SYT14: variants seen among roughly 807,000 people sequenced by gnomAD.
The protein encoded by SYT14 is synaptotagmin-14.
A neutral mutation model predicts 74.2 loss-of-function variants in SYT14; 32 were observed. The ratio of observed to expected loss-of-function variants is 0.43; its 90% CI spans 0.33 to 0.58. The LOEUF is 0.58. Among genes scored for constraint, SYT14 ranks in the 20% least tolerant of loss-of-function variants. The pLI, the probability that SYT14 is intolerant of heterozygous loss-of-function variation, is 0.05. For synonymous variants in SYT14, 298 were observed against 337.7 expected (o/e 0.88, Z 1.29); for missense variants, 791 against 981.8 (o/e 0.81, Z 2.60).
At chr1:210,110,290 T>A (rs1039380900) in intron 7 of SYT14, among the ~76,000 whole-genome samples, 3 of 151,970 alleles carry the variant, frequency 2.0e-5, no homozygotes, top group Admixed American at 6.6e-5. Context: ...AAAAGAAGAT[T>A]GAATCAAGGA....
chr1:210,146,459 A>G (rs540341255), intron 7 of SYT14, among the ~76,000 whole-genome samples: 24 of 152,210 alleles, frequency 1.6e-4, no homozygotes, highest in African/African-American at 5.8e-4. Context: ...GTTAAACAAA[A>G]TGTAAACAGT....
exon 10 of SYT14, chr1:210,161,050 A>G: frequency 1.2e-6 from 2 of 1,613,234 alleles, no homozygotes; most frequent in Non-Finnish European, 1.7e-6. Flanking sequence ...TGATGAATAG[A>G]ATAAGCAAGC....
chr1:210,059,641 G>T (rs561911303), intron 5 of SYT14, among the ~76,000 whole-genome samples: 1 of 151,882 alleles, frequency 6.6e-6, no homozygotes. Flanking sequence ...GCCAGAATTG[G>T]CAGGATAAAA....
intron 5 of SYT14, among the ~76,000 whole-genome samples, chr1:210,040,417 A>G (rs933645773): frequency 6.6e-6 from 1 of 152,090 alleles, no homozygotes; most frequent in Non-Finnish European, 1.5e-5. Flanking sequence ...TACCTAATGT[A>G]GAAGACGGGT....
chr1:210,169,507 CTTTAAG>C (rs1558238510), exon 10 of SYT14: 3 of 151,616 alleles, frequency 2.0e-5, no homozygotes, highest in African/African-American at 4.8e-5. Flanking sequence ...ATAAATATTA[CTTTAAG>C]TTTATCAAGA....
At chr1:210,091,515 C>G (rs1392830001) in intron 5 of SYT14, among the ~76,000 whole-genome samples, 1 of 151,936 alleles carries the variant, frequency 6.6e-6, no homozygotes, top group East Asian at 1.9e-4. Flanking sequence ...ATGGCAAGAC[C>G]CTGTCTCTAC....
intron 2 of SYT14, among the ~76,000 whole-genome samples, chr1:209,979,107 C>G (rs12094626): frequency 0.05 from 7,611 of 152,272 alleles, 1,028 homozygotes; most frequent in East Asian, 0.41. Flanking sequence ...GTCTGTCACC[C>G]CTTTCTTTGA....
chr1:210,130,403 A>G (rs2082650337), intron 7 of SYT14, among the ~76,000 whole-genome samples: 1 of 152,228 alleles, frequency 6.6e-6, no homozygotes, highest in African/African-American at 2.4e-5. Context: ...TATGTAACCT[A>G]GAGTATTATA....
chr1:210,169,225 T>TGG (rs1295652514), exon 10 of SYT14: 1 of 103,248 alleles, frequency 9.7e-6, no homozygotes, highest in African/African-American at 5.4e-5. Flanking sequence ...TTTGGTGTTT[T>TGG]TTTTTTTTTT....
intron 7 of SYT14, among the ~76,000 whole-genome samples, chr1:210,113,643 G>A (rs1230004205): frequency 6.6e-6 from 1 of 150,832 alleles, no homozygotes; most frequent in Non-Finnish European, 1.5e-5. Context: ...GAGTAGAGGT[G>A]TCCCATACTT....
At chr1:210,160,645 A>G in intron 9 of SYT14, 84 bp from the exon 9 acceptor site, 1 of 1,186,924 alleles carries the variant, frequency 8.4e-7, no homozygotes, top group Non-Finnish European at 1.2e-6. Context: ...TAAAGTATAA[A>G]TACTTAATTT....
intron 2 of SYT14, among the ~76,000 whole-genome samples, chr1:210,007,333 A>G (rs1044188286): frequency 6.6e-6 from 1 of 151,976 alleles, no homozygotes; most frequent in African/African-American, 2.4e-5. Flanking sequence ...CATATAGTGG[A>G]CGATATAGCT....
intron 5 of SYT14, among the ~76,000 whole-genome samples, chr1:210,057,431 C>T (rs2081120995): frequency 6.6e-6 from 1 of 152,170 alleles, no homozygotes. Context: ...CTTGCCAACA[C>T]TCTCACAGAT....
intron 5 of SYT14, among the ~76,000 whole-genome samples, chr1:210,066,436 C>T (rs1397150330): frequency 6.6e-6 from 1 of 152,018 alleles, no homozygotes; most frequent in Non-Finnish European, 1.5e-5. Flanking sequence ...GTGTGAGATG[C>T]TATCTCATTG....
At chr1:210,150,935 C>T (rs1161181320) in intron 7 of SYT14, among the ~76,000 whole-genome samples, 1 of 152,108 alleles carries the variant, frequency 6.6e-6, no homozygotes, top group Non-Finnish European at 1.5e-5. Flanking sequence ...CTGATTTTAA[C>T]CTATTCACAC....
intron 5 of SYT14, among the ~76,000 whole-genome samples, chr1:210,048,031 T>C (rs1357304139): frequency 1.3e-5 from 2 of 152,220 alleles, no homozygotes; most frequent in East Asian, 3.9e-4. Flanking sequence ...TTTCCACTTT[T>C]TCGGGAGTAA....
chr1:210,094,712 C>T, intron 6 of SYT14, 119 bp downstream of exon 5: 1 of 1,171,400 alleles, frequency 8.5e-7, no homozygotes, highest in East Asian at 2.5e-5. Flanking sequence ...ACTTATAGTA[C>T]CAGTATCCAT....
In SYT14 at chr1:210,060,230, G is replaced by A. The variant is rs576699390; in HGVS notation, c.1313-34092G>A. On this transcript the variant is annotated intron_variant, in intron 5 of 9. Transcript: ENST00000637265. ...TACCTTAGGCATGTCACAGGCTCAC[G>A]TTTCCTTTTGCACAAATGTTAAGGT... 1.2e-3 allele frequency among the ~76,000 whole-genome samples: 182 copies of A among 152,134 alleles called. 2 individuals are homozygous for A. The highest frequency in any genetic ancestry group is 9.4e-3 in the Admixed American group (144 of 15,242).
chr1:210,125,226 C>T (rs181480108), intron 7 of SYT14, among the ~76,000 whole-genome samples: 1 of 151,808 alleles, frequency 6.6e-6, no homozygotes, highest in South Asian at 2.1e-4. Context: ...CACCCTCCCC[C>T]CTTTTGAAAT....
Sources: allele counts gnomAD v4.1 joint callset (sites outside exome capture counted in the v4.1 genomes callset), GRCh38; gene constraint gnomAD v4.1.1; transcripts MANE v1.5; gene names NCBI Gene and HGNC (gene_info 2026-07-23, HGNC 2026-07-21).